CCDC7: variants seen among roughly 807,000 people sequenced by gnomAD.
CCDC7 encodes coiled-coil domain containing 7, also known as coiled-coil domain-containing protein 7.
In CCDC7, 183 loss-of-function variants were observed where a neutral mutation model predicts 196.9. That is an observed-to-expected ratio of 0.93 (90% confidence interval 0.82 to 1.05). The LOEUF (loss-of-function observed/expected upper bound fraction) is 1.05, where lower values mean the gene tolerates loss of function less well. Among genes scored for constraint, CCDC7 ranks in the 50% least tolerant of loss-of-function variants. The pLI, the probability that CCDC7 is intolerant of heterozygous loss-of-function variation, is 0.00. For synonymous variants in CCDC7, 525 were observed against 484.6 expected, an observed-to-expected ratio of 1.08 and a Z score of -1.10; for missense variants, 1,540 against 1,482.2, an observed-to-expected ratio of 1.04 and a Z score of -0.64.
chr10:32,532,880 G>T (rs914646501), intron 11 of CCDC7, among the ~76,000 whole-genome samples: 8 of 151,970 alleles, frequency 5.3e-5, no homozygotes, highest in African/African-American at 1.9e-4. Context: ...CTTGGGAGCA[G>T]CGTATCATTG....
At chr10:32,632,868 T>A (rs1390860791) in intron 18 of CCDC7, among the ~76,000 whole-genome samples, 8 of 152,194 alleles carry the variant, frequency 5.3e-5, no homozygotes, top group South Asian at 4.1e-4. Flanking sequence ...ATATTGCATA[T>A]CTTAGAGATT....
intron 18 of CCDC7, among the ~76,000 whole-genome samples, chr10:32,618,708 T>C (rs1322936330): frequency 3.3e-5 from 5 of 152,074 alleles, no homozygotes; most frequent in Non-Finnish European, 7.4e-5. Flanking sequence ...ATTTTCTCTT[T>C]CTAACTTTAA....
chr10:32,662,585 C>A (rs1180793632), intron 20 of CCDC7, among the ~76,000 whole-genome samples: 1 of 152,034 alleles, frequency 6.6e-6, no homozygotes, highest in Non-Finnish European at 1.5e-5. Flanking sequence ...TCCTTGAGAC[C>A]TTATTGTTGA....
chr10:32,735,614 C>A (rs894403186), intron 28 of CCDC7, among the ~76,000 whole-genome samples: 7 of 152,112 alleles, frequency 4.6e-5, no homozygotes, highest in African/African-American at 1.7e-4. Context: ...TTTCTTCCTG[C>A]AGGTGGCTTT....
At chr10:32,613,298 G>A (rs2062393166) in intron 18 of CCDC7, among the ~76,000 whole-genome samples, 1 of 151,876 alleles carries the variant, frequency 6.6e-6, no homozygotes, top group Non-Finnish European at 1.5e-5. Flanking sequence ...GTGTCTATTT[G>A]ATTCTTTTCT....
intron 24 of CCDC7, among the ~76,000 whole-genome samples, chr10:32,707,671 C>T (rs1214892243): frequency 6.6e-6 from 1 of 152,140 alleles, no homozygotes; most frequent in Non-Finnish European, 1.5e-5. Flanking sequence ...TTCCTACACA[C>T]CAATAACAGA....
exon 39 of CCDC7, chr10:32,848,644 G>T: frequency 6.5e-7 from 1 of 1,526,982 alleles, no homozygotes; most frequent in Non-Finnish European, 9.1e-7. Flanking sequence ...CGTCAAGAAG[G>T]TATCTTTACT....
rs1277778352 is a variant in CCDC7, at chr10:32,670,921, TTTTA to T, written c.2122+6765_2122+6768del. 3.4e-4 allele frequency among the ~76,000 whole-genome samples: 52 copies of T among 152,276 alleles called. 1 individual carries two copies. The highest frequency in any genetic ancestry group is 1.0e-3 in the African/African-American group (42 of 41,574). Reference sequence around the variant, plus strand: ...AACATTAGGTTGTTTATTTGGGATCTTTTATTTAATGTGGGCTTTTAGTTCTATA... The same window carrying T: ...AACATTAGGTTGTTTATTTGGGATCTTTTAATGTGGGCTTTTAGTTCTATA... On this transcript the variant is annotated intron_variant, in intron 21 of 41. Coordinates refer to ENST00000639629, the Ensembl canonical transcript of CCDC7.
intron 28 of CCDC7, among the ~76,000 whole-genome samples, chr10:32,738,546 T>C (rs1422981931): frequency 1.4e-5 from 2 of 146,394 alleles, no homozygotes; most frequent in Non-Finnish European, 3.0e-5. Flanking sequence ...GTGATCACAG[T>C]TCACTACAGC....
intron 11 of CCDC7, among the ~76,000 whole-genome samples, chr10:32,539,455 T>A (rs1242915491): frequency 1.3e-5 from 2 of 151,064 alleles, no homozygotes; most frequent in African/African-American, 4.9e-5. Context: ...TATCTTATTA[T>A]TTTTTTTTAT....
At chr10:32,466,828 A>C (rs2036897278) in intron 5 of CCDC7, among the ~76,000 whole-genome samples, 1 of 152,164 alleles carries the variant, frequency 6.6e-6, no homozygotes, top group Non-Finnish European at 1.5e-5. Context: ...TTCTGTTTTT[A>C]GATATTTGAG....
chr10:32,517,874 A>G, intron 9 of CCDC7, 71 bp from the exon 11 acceptor site: 1 of 1,532,416 alleles, frequency 6.5e-7, no homozygotes, highest in Non-Finnish European at 8.8e-7. Flanking sequence ...AAAAAAAGAA[A>G]ATGTGTGTGT....
rs534551092 is a variant in CCDC7 at position 32,499,984 on chromosome 10, G to A, written c.872+7987G>A. Among the ~76,000 whole-genome samples, 86 of 152,336 alleles carry A rather than the reference G, an allele frequency of 5.6e-4. No individual in the cohort carries two copies. The Middle Eastern group carries it at 0.014, about 24-fold the overall frequency. ...CTTTCTTAGTACAGAACAAAATGGA[G>A]TCTCCTATGTCTACTTCTTTCTACA... On this transcript the variant is annotated intron_variant, in intron 9 of 41. Coordinates refer to ENST00000639629, the Ensembl canonical transcript of CCDC7.
chr10:32,822,804 G>A lies in CCDC7; in HGVS notation c.3182-1714G>A, dbSNP rs548875582. On this transcript the variant is annotated intron_variant, in intron 31 of 41. Coordinates refer to ENST00000639629, the Ensembl canonical transcript of CCDC7. Reference sequence around the variant, plus strand: ...AAATATACACATTTTTAAAAGCTCAGGAACTCTAAGCAGGATAAGATTTTG... The same window carrying A: ...AAATATACACATTTTTAAAAGCTCAAGAACTCTAAGCAGGATAAGATTTTG... 1.6e-4 allele frequency among the ~76,000 whole-genome samples: 25 copies of A among 152,192 alleles called. No individual in the cohort carries two copies. In the South Asian group the frequency reaches 4.8e-3, roughly 29 times the overall value.
chr10:32,626,528 T>C (rs1034820565), intron 18 of CCDC7, among the ~76,000 whole-genome samples: 13 of 152,012 alleles, frequency 8.6e-5, no homozygotes, highest in African/African-American at 2.9e-4. Flanking sequence ...TTCAAATTAT[T>C]AATAATTTCC....
chr10:32,877,914 C>A (rs1156402113), downstream of CCDC7, among the ~76,000 whole-genome samples: 5 of 151,908 alleles, frequency 3.3e-5, no homozygotes, highest in African/African-American at 1.2e-4. Context: ...GGGAAATAAA[C>A]TAATGCCCAA....
exon 2 of CCDC7, chr10:32,453,412 T>C: frequency 1.9e-6 from 3 of 1,550,006 alleles, no homozygotes; most frequent in Non-Finnish European, 2.6e-6. Context: ...TTGTAAAGCA[T>C]GAACATGAAG....
intron 28 of CCDC7, among the ~76,000 whole-genome samples, chr10:32,753,039 A>G (rs922632413): frequency 6.6e-6 from 1 of 152,190 alleles, no homozygotes; most frequent in Non-Finnish European, 1.5e-5. Context: ...AATAAAATGA[A>G]GAAGGGAATA....
At position 32,554,736 on chromosome 10, in the gene CCDC7, T is replaced by A. The variant is rs577598955; in HGVS notation, c.1134+10435T>A. ...GTCTGTGGGTCTTTTTAAGTTTTTT[T>A]AAAATGTACAATAAATGATTGTTGA... On this transcript the variant is annotated intron_variant, in intron 13 of 41. Transcript: ENST00000639629. Among the ~76,000 whole-genome samples, 166 of 152,338 alleles carry A rather than the reference T, an allele frequency of 1.1e-3. 1 individual carries two copies. Among genetic ancestry groups the A allele is most frequent in the African/African-American group, 3.4e-3 (141 of 41,584 alleles).
Sources: allele counts gnomAD v4.1 joint callset (sites outside exome capture counted in the v4.1 genomes callset), GRCh38; gene constraint gnomAD v4.1.1; transcripts MANE v1.5; gene names NCBI Gene and HGNC (gene_info 2026-07-23, HGNC 2026-07-21).